AKAP13: variants seen among roughly 807,000 people sequenced by gnomAD.
AKAP13 encodes the protein A-kinase anchoring protein 13.
Under a neutral mutation model 264.5 loss-of-function variants are expected in AKAP13, and 80 were observed. The observed-to-expected ratio is 0.30, with a 90% CI of 0.25 to 0.36. The LOEUF (loss-of-function observed/expected upper bound fraction) is 0.36. AKAP13 is among the 10% of genes least tolerant of loss of function. The pLI is 1.00. For missense variants in AKAP13, 3,712 were observed against 3,435.2 expected, an observed-to-expected ratio of 1.08 and a Z score of -2.01; for synonymous variants, 1,380 against 1,250.2, an observed-to-expected ratio of 1.10 and a Z score of -2.19.
chr15:85,629,611 A>G (rs557770185), intron 8 of AKAP13, among the ~76,000 whole-genome samples: 3 of 152,092 alleles, frequency 2.0e-5, no homozygotes, highest in Non-Finnish European at 2.9e-5. Context: ...ATCTACATGT[A>G]TGCTCTCCAC....
At chr15:85,681,596 G>A (rs1169000975) in intron 14 of AKAP13, among the ~76,000 whole-genome samples, 4 of 151,898 alleles carry the variant, frequency 2.6e-5, no homozygotes, top group African/African-American at 7.3e-5. Context: ...TTTCACAGAT[G>A]AGGAAATGAA....
At chr15:85,599,913 C>G in intron 8 of AKAP13, among the ~76,000 whole-genome samples, 1 of 152,204 alleles carries the variant, frequency 6.6e-6, no homozygotes, top group East Asian at 1.9e-4. Flanking sequence ...CTGAATTAGT[C>G]TTGCTGTTTT....
chr15:85,643,732 A>T (rs566003812), intron 9 of AKAP13, among the ~76,000 whole-genome samples: 2 of 152,156 alleles, frequency 1.3e-5, no homozygotes. Context: ...TGTAGCTCAC[A>T]CTCACTGGTC....
At chr15:85,565,723 A>C (rs977666199) in intron 5 of AKAP13, among the ~76,000 whole-genome samples, 1 of 152,222 alleles carries the variant, frequency 6.6e-6, no homozygotes, top group Non-Finnish European at 1.5e-5. Context: ...CTAGGATTCT[A>C]GGTATGGGCC....
At chr15:85,556,103 C>G (rs909157099) in intron 5 of AKAP13, among the ~76,000 whole-genome samples, 1 of 152,064 alleles carries the variant, frequency 6.6e-6, no homozygotes, top group South Asian at 2.1e-4. Context: ...AGATTGTGGC[C>G]GTTTCACTTA....
In AKAP13 at chr15:85,744,658, G is replaced by A. The variant is rs187108155; in HGVS notation, c.8423G>A (p.Gly2808Asp). The change falls in exon 37 of 37, where the codon GGT (glycine) becomes GAT (aspartate). Residue 2808 changes from glycine to aspartate, a missense_variant. Transcript: ENST00000394518. ...DGPASEVSAE[G>D]EEIFC is the part of the protein sequence containing the mutation. The stretch of plus-strand genomic sequence containing the variant: ...CCCGCGTCAGAAGTATCAGCAGAGG[G>A]TGAAGAGATCTTCTGCTGACCCTCT... 1 of 1,611,586 alleles carries A rather than the reference G, an allele frequency of 6.2e-7. No individual in the cohort carries two copies. Among genetic ancestry groups the A allele is most frequent in the Admixed American group, 1.7e-5 (1 of 59,600 alleles).
chr15:85,703,608 G>A (rs556192810), intron 17 of AKAP13, among the ~76,000 whole-genome samples: 3 of 152,304 alleles, frequency 2.0e-5, no homozygotes, highest in South Asian at 2.1e-4. Context: ...TTGGAAGGCT[G>A]AGGCGGGTGG....
At chr15:85,578,369 C>T (rs1009406677) in intron 6 of AKAP13, among the ~76,000 whole-genome samples, 4 of 152,030 alleles carry the variant, frequency 2.6e-5, no homozygotes, top group East Asian at 1.9e-4. Flanking sequence ...TTTTTTAAGA[C>T]GGAGTTTTGC....
chr15:85,652,946 A>G (rs1156634361), intron 10 of AKAP13, among the ~76,000 whole-genome samples: 1 of 152,120 alleles, frequency 6.6e-6, no homozygotes, highest in African/African-American at 2.4e-5. Flanking sequence ...AACTAATTAC[A>G]TCTGCAAAGA....
In AKAP13 at chr15:85,579,762, C is replaced by T; in HGVS notation, c.1694C>T (p.Thr565Ile). 6.2e-7 allele frequency: 1 copy of T among 1,614,220 alleles called. No homozygotes were observed. The highest frequency in any genetic ancestry group is 8.5e-7 in the Non-Finnish European group (1 of 1,180,036). Reference sequence around the variant, plus strand: ...AATGAAGAAACCTCCACTGAAAAAACAGCAGAAACGGAAACTTCACGAAGT... The same window carrying T: ...AATGAAGAAACCTCCACTGAAAAAATAGCAGAAACGGAAACTTCACGAAGT... ...FSNEETSTEKTAETETSRSRE... is the reference protein window; with the variant it reads ...FSNEETSTEKIAETETSRSRE... Residue 565 changes from threonine (T) to isoleucine (I), a missense_variant, in exon 7 of 37, where the codon ACA (threonine) becomes ATA (isoleucine). Thr to Ile is a moderately conservative substitution (Grantham distance 89). Coordinates refer to ENST00000394518, the MANE Select transcript of AKAP13 (RefSeq NM_007200.5).
intron 3 of AKAP13, among the ~76,000 whole-genome samples, chr15:85,525,208 C>T (rs1177494209): frequency 2.0e-5 from 3 of 151,868 alleles, no homozygotes; most frequent in African/African-American, 7.3e-5. Flanking sequence ...CAGGTGCCCA[C>T]CACCACACCT....
chr15:85,398,640 C>G (rs980176350), intron 1 of AKAP13, among the ~76,000 whole-genome samples: 1 of 152,224 alleles, frequency 6.6e-6, no homozygotes, highest in Non-Finnish European at 1.5e-5. Flanking sequence ...AGTGCAACCT[C>G]TGCCTCCCAG....
At chr15:85,432,736 A>T (rs541110852) in intron 1 of AKAP13, among the ~76,000 whole-genome samples, 4 of 152,286 alleles carry the variant, frequency 2.6e-5, no homozygotes, top group East Asian at 3.9e-4. Context: ...GTTGCTATGG[A>T]CTAATTTCCA....
intron 1 of AKAP13, among the ~76,000 whole-genome samples, chr15:85,444,771 T>C (rs796393970): frequency 5.3e-5 from 8 of 152,288 alleles, no homozygotes; most frequent in African/African-American, 1.9e-4. Context: ...TCCTGGTGAA[T>C]TAATTTTGTT....
At chr15:85,720,311 C>T (rs1174849563) in intron 23 of AKAP13, among the ~76,000 whole-genome samples, 2 of 151,626 alleles carry the variant, frequency 1.3e-5, no homozygotes, top group African/African-American at 2.4e-5. Flanking sequence ...TCAACTTTCC[C>T]CTCTGCCTCA....
chr15:85,582,125 C>T lies in AKAP13; in HGVS notation c.4039+18C>T. 1 of 1,557,804 alleles carries T rather than the reference C, an allele frequency of 6.4e-7. No individual in the cohort carries two copies. On this transcript the variant is annotated intron_variant, in intron 7 of 36. Transcript: ENST00000394518. ...AGCAGCAGGTAAGCAAAACATAATA[C>T]AAAATTAACAGTCTGAGAAGCAGAT...
At chr15:85,452,449 A>G (rs1252819614) in intron 1 of AKAP13, among the ~76,000 whole-genome samples, 1 of 152,176 alleles carries the variant, frequency 6.6e-6, no homozygotes, top group Non-Finnish European at 1.5e-5. Flanking sequence ...CACTCTGGCC[A>G]TTTGAGTTAC....
At chr15:85,599,783 C>A (rs925596774) in intron 8 of AKAP13, among the ~76,000 whole-genome samples, 1 of 152,096 alleles carries the variant, frequency 6.6e-6, no homozygotes, top group Admixed American at 6.5e-5. Flanking sequence ...TGCCTGTAAT[C>A]CTAGCACTTT....
At chr15:85,567,940 A>AGG (rs1002538631) in intron 5 of AKAP13, among the ~76,000 whole-genome samples, 13 of 93,054 alleles carry the variant, frequency 1.4e-4, no homozygotes, top group South Asian at 7.9e-4. Context: ...TAGCCCAAAG[A>AGG]GGTGTGTGTG....
Sources: gnomAD v4.1 joint callset for allele counts (sites outside exome capture counted in the v4.1 genomes callset) on GRCh38, gnomAD v4.1.1 for gene constraint, MANE v1.5 for transcripts, NCBI Gene and HGNC (gene_info 2026-07-23, HGNC 2026-07-21) for gene names.